Variants in SLCO2A1 observed in about 807,000 individuals in gnomAD.
The protein encoded by SLCO2A1 is matrin F/G 1.
SLCO2A1 carries 60 observed loss-of-function variants against 71.7 expected under a neutral mutation model. That is an observed-to-expected ratio of 0.84 (90% CI 0.68 to 1.04). The LOEUF (loss-of-function observed/expected upper bound fraction) is 1.04, where lower values mean the gene tolerates loss of function less well. SLCO2A1 is among the 50% of genes least tolerant of loss of function. The pLI is 0.00. For missense variants in SLCO2A1, 745 were observed against 813.4 expected (o/e 0.92, Z 1.02); for synonymous variants, 308 against 326.7 (o/e 0.94, Z 0.62).
intron 3 of SLCO2A1, among the ~76,000 whole-genome samples, chr3:133,967,403 G>A (rs1480730945): frequency 6.6e-6 from 1 of 152,204 alleles, no homozygotes; most frequent in Non-Finnish European, 1.5e-5. Flanking sequence ...TCACCATGGA[G>A]CGCAGAGCTC....
rs142239965 is a variant in SLCO2A1, at chr3:133,948,570, A to G, written c.1071T>C (p.Tyr357=). The change falls in exon 8 of 14, where the codon TAT becomes TAC. Residue 357 remains tyrosine, a synonymous_variant. Transcript: ENST00000310926. ...AGTTGGCATAGGCTGCTGAGGTGCC[A>G]TACTGCTTCTCCAGGAACTTGTTGA... ...TFLNKFLEKQ[Y]GTSAAYANFL... 1.9e-6 allele frequency: 3 copies of G among 1,614,120 alleles called. No individual in the cohort carries two copies. The highest frequency in any genetic ancestry group is 2.7e-5 in the African/African-American group (2 of 75,038).
chr3:133,997,153 C>T (rs552252137), intron 1 of SLCO2A1, among the ~76,000 whole-genome samples: 2 of 152,280 alleles, frequency 1.3e-5, no homozygotes, highest in South Asian at 4.1e-4. Flanking sequence ...ATCTCCACTT[C>T]CCTCCCCAGA....
chr3:133,963,960 T>G (rs1294910050), intron 3 of SLCO2A1, among the ~76,000 whole-genome samples: 1 of 152,232 alleles, frequency 6.6e-6, no homozygotes, highest in East Asian at 1.9e-4. Context: ...TTGGGTTGTT[T>G]GCAAATCAGA....
chr3:133,976,407 G>A (rs899306092), intron 2 of SLCO2A1, among the ~76,000 whole-genome samples: 8 of 152,174 alleles, frequency 5.3e-5, no homozygotes, highest in African/African-American at 1.9e-4. Flanking sequence ...GGAGGGCCCC[G>A]AAGGGGATCT....
At position 133,979,571 on chromosome 3, in the gene SLCO2A1, G is replaced by A. The variant is rs781375741; in HGVS notation, c.144C>T (p.Tyr48=). ...QGLLQLCQLL[Y]SAYFKSSLTT... Reference sequence around the variant, plus strand: ...TGAGGCTGCTCTTGAAGTAGGCGCTGTACAGGAGTTGGCAGAGCTGCAGGA... The same window carrying A: ...TGAGGCTGCTCTTGAAGTAGGCGCTATACAGGAGTTGGCAGAGCTGCAGGA... The change falls in exon 2 of 14, where the codon TAC becomes TAT. Residue 48 remains tyrosine (Y), a synonymous_variant. Transcript: ENST00000310926. 12 of 1,613,928 alleles carry A rather than the reference G, an allele frequency of 7.4e-6. No individual in the cohort carries two copies. Among genetic ancestry groups the A allele is most frequent in the Admixed American group, 1.7e-5 (1 of 59,994 alleles).
At chr3:133,969,691 T>A (rs768819154) in intron 3 of SLCO2A1, among the ~76,000 whole-genome samples, 1 of 152,180 alleles carries the variant, frequency 6.6e-6, no homozygotes, top group Non-Finnish European at 1.5e-5. Context: ...ATTTTACTTT[T>A]ACTCTCAGAA....
chr3:133,989,790 G>C (rs1211203080), intron 1 of SLCO2A1, among the ~76,000 whole-genome samples: 1 of 152,144 alleles, frequency 6.6e-6, no homozygotes, highest in Non-Finnish European at 1.5e-5. Context: ...GCAGTTTCTT[G>C]ACTTACCATT....
At chr3:133,969,596 G>A (rs912893969) in intron 3 of SLCO2A1, among the ~76,000 whole-genome samples, 1 of 151,686 alleles carries the variant, frequency 6.6e-6, no homozygotes, top group Non-Finnish European at 1.5e-5. Context: ...GTGTTGCCCA[G>A]TCTGGTCTCG....
At chr3:134,012,484 T>C (rs575204277) in intron 1 of SLCO2A1, among the ~76,000 whole-genome samples, 50 of 152,274 alleles carry the variant, frequency 3.3e-4, no homozygotes, top group Admixed American at 2.1e-3. Context: ...ATCAAGAGGA[T>C]TCCTGCGTCT....
chr3:133,956,157 G>A (rs538344741), intron 3 of SLCO2A1, among the ~76,000 whole-genome samples: 8 of 152,228 alleles, frequency 5.3e-5, no homozygotes, highest in African/African-American at 9.6e-5. Flanking sequence ...AATCTCACTC[G>A]CTTAACACTA....
chr3:133,954,923 G>A (rs1933843001), intron 4 of SLCO2A1, 43 bp downstream of exon 4: 1 of 1,525,982 alleles, frequency 6.6e-7, no homozygotes, highest in Non-Finnish European at 9.0e-7. Flanking sequence ...GCTACATCAG[G>A]ACCTCACCCC....
At chr3:133,993,760 T>C (rs1314357196) in intron 1 of SLCO2A1, among the ~76,000 whole-genome samples, 1 of 152,222 alleles carries the variant, frequency 6.6e-6, no homozygotes, top group African/African-American at 2.4e-5. Context: ...ATGGCAGGTA[T>C]AGGACATTCA....
At chr3:134,028,749 A>ATGCAGTCTC (rs372766792) in intron 1 of SLCO2A1, among the ~76,000 whole-genome samples, 354 of 152,308 alleles carry the variant, frequency 2.3e-3, no homozygotes, top group African/African-American at 7.8e-3. Flanking sequence ...AGGGGCCTTG[A>ATGCAGTCTC]TGCAGTCTCT....
Position 134,029,852 on chromosome 3 carries a change from C to T in SLCO2A1, c.-50G>A, listed in dbSNP as rs1027927487. 2.1e-5 allele frequency: 24 copies of T among 1,150,312 alleles called. No individual in the cohort carries two copies. In the African/African-American group the frequency reaches 3.8e-4, roughly 18 times the overall value. 71.3% of individuals were successfully genotyped at this position (1,150,312 alleles called of 1,614,324 possible). On this transcript the variant is annotated 5_prime_UTR_variant, in exon 1 of 14. Transcript: ENST00000310926. Reference sequence around the variant, plus strand: ...GGAGTGGCGCGGGGTCGGGGCGCCTCGGGCTGGAGCGGCCGGGCGGGTGAG... The same window carrying T: ...GGAGTGGCGCGGGGTCGGGGCGCCTTGGGCTGGAGCGGCCGGGCGGGTGAG...
intron 3 of SLCO2A1, among the ~76,000 whole-genome samples, chr3:133,961,165 T>A (rs1325957696): frequency 6.6e-6 from 1 of 152,092 alleles, no homozygotes; most frequent in Non-Finnish European, 1.5e-5. Flanking sequence ...CAAGGCCCTG[T>A]CAACTGAGAC....
chr3:134,021,164 C>T (rs1258593324), intron 1 of SLCO2A1, among the ~76,000 whole-genome samples: 2 of 152,224 alleles, frequency 1.3e-5, no homozygotes, highest in South Asian at 2.1e-4. Flanking sequence ...GTGTGCGTGC[C>T]CTTTTTACCT....
rs73861301 is a variant in SLCO2A1, at chr3:133,996,089, T to C, written c.97-16471A>G. The stretch of plus-strand genomic sequence containing the variant: ...GCAAGAGACTGGAGACTCACTCCTC[T>C]TTGCAGTGAGGAGGAGAGGGCGTCC... On this transcript the variant is annotated intron_variant, in intron 1 of 13. Transcript: ENST00000310926. 2.3e-3 allele frequency among the ~76,000 whole-genome samples: 357 copies of C among 152,298 alleles called. 4 individuals are homozygous for C. Among genetic ancestry groups the C allele is most frequent in the African/African-American group, 8.3e-3 (345 of 41,570 alleles).
At chr3:133,939,461 G>A (rs1933360337) in intron 11 of SLCO2A1, among the ~76,000 whole-genome samples, 1 of 152,196 alleles carries the variant, frequency 6.6e-6, no homozygotes, top group South Asian at 2.1e-4. Context: ...GGGACAGTGA[G>A]GAAGGGAGCT....
Position 133,954,278 on chromosome 3 carries a change from T to C in SLCO2A1, c.626-517A>G, listed in dbSNP as rs576953191. Among the ~76,000 whole-genome samples the C allele has an allele frequency of 3.3e-5, 5 of 149,276 alleles. No individual in the cohort carries two copies. In the South Asian group the frequency reaches 6.6e-4, roughly 20 times the overall value. ...CCTGGGTTCGAGTGATTCTCCTGCC[T>C]CAGCATCCCAAGTAGCTGGGACCAC... On this transcript the variant is annotated intron_variant, in intron 4 of 13. Coordinates refer to ENST00000310926, the MANE Select transcript of SLCO2A1 (RefSeq NM_005630.3).
Sources: allele counts gnomAD v4.1 joint callset (sites outside exome capture counted in the v4.1 genomes callset), GRCh38; gene constraint gnomAD v4.1.1; transcripts MANE v1.5; gene names NCBI Gene and HGNC (gene_info 2026-07-23, HGNC 2026-07-21).